Variants in MYO1B observed in about 807,000 individuals in gnomAD.
MYO1B encodes the protein unconventional myosin-Ib.
Under a neutral mutation model 159.7 loss-of-function variants are expected in MYO1B, and 72 were observed. The observed-to-expected ratio is 0.45, with a 90% confidence interval of 0.37 to 0.55. The LOEUF (loss-of-function observed/expected upper bound fraction) is 0.55, where lower values mean the gene tolerates loss of function less well. Ranked by LOEUF, MYO1B falls within the 20% of genes least tolerant of loss-of-function variation. MYO1B has a pLI of 0.00. For missense variants in MYO1B, 1,062 were observed against 1,364.8 expected (o/e 0.78, Z 3.50); for synonymous variants, 468 against 473.8 (o/e 0.99, Z 0.16).
chr2:191,414,803 T>A, intron 29 of MYO1B, 134 bp downstream of exon 29: 1 of 821,388 alleles, frequency 1.2e-6, no homozygotes, highest in Non-Finnish European at 1.7e-6. Flanking sequence ...CACCCCTATG[T>A]AAAATCTCCG....
chr2:191,413,041 T>C (rs1697345165), intron 27 of MYO1B, among the ~76,000 whole-genome samples: 1 of 152,198 alleles, frequency 6.6e-6, no homozygotes, highest in African/African-American at 2.4e-5. Context: ...ATGAGATTAT[T>C]ATCAAAGTCC....
chr2:191,252,931 ATTG>A (rs1686211318), intron 1 of MYO1B, among the ~76,000 whole-genome samples: 1 of 152,008 alleles, frequency 6.6e-6, no homozygotes, highest in Non-Finnish European at 1.5e-5. Context: ...TGTCTGATTT[ATTG>A]TTCTCCCCTA....
intron 11 of MYO1B, among the ~76,000 whole-genome samples, chr2:191,366,036 A>ACTG (rs753287047): frequency 3.3e-5 from 5 of 152,116 alleles, no homozygotes; most frequent in African/African-American, 7.2e-5. Flanking sequence ...CAAAGGTGAC[A>ACTG]CTGCTGCTGC....
intron 2 of MYO1B, among the ~76,000 whole-genome samples, chr2:191,284,145 T>C (rs1211470853): frequency 6.6e-6 from 1 of 152,196 alleles, no homozygotes; most frequent in Non-Finnish European, 1.5e-5. Context: ...CACATGGCTC[T>C]TCACCTTTAT....
intron 3 of MYO1B, among the ~76,000 whole-genome samples, chr2:191,309,022 T>A (rs922497940): frequency 1.3e-5 from 2 of 152,216 alleles, no homozygotes; most frequent in Non-Finnish European, 2.9e-5. Context: ...TGAGCCTACG[T>A]GGGCTTCAAA....
intron 25 of MYO1B, among the ~76,000 whole-genome samples, chr2:191,408,829 T>G (rs1697087130): frequency 1.3e-5 from 2 of 152,266 alleles, no homozygotes; most frequent in African/African-American, 4.8e-5. Context: ...TTAGCATTAC[T>G]ATTCTTCTTT....
chr2:191,296,209 T>A lies in MYO1B; in HGVS notation c.234T>A (p.Tyr78Ter). The A allele has an allele frequency of 6.2e-7, 1 of 1,606,962 alleles. No homozygotes were observed. Among genetic ancestry groups the A allele is most frequent in the African/African-American group, 1.3e-5 (1 of 74,888 alleles). Residue 78 changes from tyrosine to a stop codon, truncating the protein, a stop_gained, in exon 3 of 31, where the codon TAT becomes TAA. Coordinates refer to ENST00000392318, the MANE Select transcript of MYO1B (RefSeq NM_001130158.3). LOFTEE classifies it high-confidence loss of function. ...KVEEYRNRNF[Y>*]ELSPHIFALS... ...AAGAATACAGGAACAGAAATTTTTA[T>A]GAACTGAGCCCTCACATGTAAGTAC...
intron 3 of MYO1B, among the ~76,000 whole-genome samples, chr2:191,309,087 C>T (rs758386334): frequency 2.1e-4 from 32 of 152,264 alleles, no homozygotes; most frequent in African/African-American, 7.2e-4. Context: ...CTGGATTTCT[C>T]GCCTGACCTG....
chr2:191,385,913 T>C lies in MYO1B; in HGVS notation c.1383T>C (p.Asp461=), dbSNP rs1392316347. The change falls in exon 16 of 31, where the codon GAT becomes GAC. Residue 461 remains aspartate, a synonymous_variant. Transcript: ENST00000392318. ...NNTNGILAML[D]EECLRPGTVT... ...CAAATGGAATCCTGGCCATGCTGGA[T>C]GAAGAGTGCCTCAGACCTGGCACAG... The C allele has an allele frequency of 3.7e-6, 6 of 1,614,164 alleles. No individual in the cohort carries two copies. The highest frequency in any genetic ancestry group is 5.1e-6 in the Non-Finnish European group (6 of 1,179,988).
chr2:191,357,185 TTATTTGTCAAAAAAC>T (rs2126000040), intron 7 of MYO1B, among the ~76,000 whole-genome samples: 1 of 152,348 alleles, frequency 6.6e-6, no homozygotes, highest in South Asian at 2.1e-4. Flanking sequence ...GTCTTTTTAT[TTATTTGTCAAAAAAC>T]TTCATCCTCC....
At chr2:191,333,345 T>C (rs2125926365) in intron 4 of MYO1B, among the ~76,000 whole-genome samples, 1 of 152,306 alleles carries the variant, frequency 6.6e-6, no homozygotes, top group African/African-American at 2.4e-5. Flanking sequence ...AATGGAACTC[T>C]TGATTTCTCT....
At position 191,364,173 on chromosome 2, in the gene MYO1B, G is replaced by T; in HGVS notation, c.929G>T (p.Cys310Phe). Residue 310 changes from cysteine (C) to phenylalanine (F), a missense_variant, in exon 11 of 31, where the codon TGT (cysteine) becomes TTT (phenylalanine). Transcript: ENST00000392318. ...CTTCCCACAGAGTTAAAAGAAATTT[G>T]TGAATTGACCGGCATTGATCAATCA... ...IKDKNELKEI[C>F]ELTGIDQSVL... The T allele has an allele frequency of 6.2e-7, 1 of 1,613,802 alleles. No individual in the cohort carries two copies. The highest frequency in any genetic ancestry group is 1.3e-5 in the African/African-American group (1 of 75,018).
intron 20 of MYO1B, among the ~76,000 whole-genome samples, chr2:191,394,479 T>C (rs1162597137): frequency 6.6e-6 from 1 of 152,234 alleles, no homozygotes; most frequent in Admixed American, 6.5e-5. Flanking sequence ...TCTACAAATA[T>C]TTTTGAAACA....
intron 20 of MYO1B, among the ~76,000 whole-genome samples, chr2:191,395,782 C>T (rs546254021): frequency 6.6e-6 from 1 of 152,238 alleles, no homozygotes; most frequent in African/African-American, 2.4e-5. Context: ...TGTGCTGCAT[C>T]TCTCCCAGGG....
intron 11 of MYO1B, among the ~76,000 whole-genome samples, chr2:191,367,643 G>T (rs978368466): frequency 2.6e-5 from 4 of 152,170 alleles, no homozygotes; most frequent in African/African-American, 9.7e-5. Flanking sequence ...CTTGTTGAAA[G>T]TAGATAGCAT....
chr2:191,288,255 A>G (rs1217942694), intron 2 of MYO1B, among the ~76,000 whole-genome samples: 2 of 151,686 alleles, frequency 1.3e-5, no homozygotes, highest in Admixed American at 6.6e-5. Context: ...AAAAAAAAAA[A>G]AAGAAGAAAG....
chr2:191,246,668 A>G (rs1179399003), intron 1 of MYO1B, among the ~76,000 whole-genome samples: 1 of 151,834 alleles, frequency 6.6e-6, no homozygotes, highest in Non-Finnish European at 1.5e-5. Flanking sequence ...TGGAATGGGT[A>G]GGAGACAAAT....
chr2:191,281,442 G>C (rs1277958043), intron 2 of MYO1B, among the ~76,000 whole-genome samples: 1 of 152,196 alleles, frequency 6.6e-6, no homozygotes, highest in African/African-American at 2.4e-5. Flanking sequence ...AGGACATGCT[G>C]TTTGGTCTGA....
chr2:191,425,011 G>A lies in MYO1B; in HGVS notation c.*1051G>A, dbSNP rs1012630117. 5 of 152,580 alleles carry A rather than the reference G, an allele frequency of 3.3e-5. No individual in the cohort carries two copies. The highest frequency in any genetic ancestry group is 7.2e-5 in the African/African-American group (3 of 41,546). 9.5% of individuals were successfully genotyped at this position (152,580 alleles called of 1,614,324 possible). ...TCATGGATCAAAATTTGTGTAACTT[G>A]CAGGGCTTTCTTTCTTTTTCTTCAA... On this transcript the variant is annotated 3_prime_UTR_variant, in exon 31 of 31. Transcript: ENST00000392318.
Sources: gnomAD v4.1 joint callset for allele counts (sites outside exome capture counted in the v4.1 genomes callset) on GRCh38, gnomAD v4.1.1 for gene constraint, MANE v1.5 for transcripts, NCBI Gene and HGNC (gene_info 2026-07-23, HGNC 2026-07-21) for gene names.